The following ADAM12 variants were observed in gnomAD, a reference collection of about 807,000 sequenced individuals.
The protein encoded by ADAM12 is ADAM metallopeptidase domain 12.
ADAM12 carries 70 observed loss-of-function variants against 106.4 expected under a neutral mutation model. The observed-to-expected ratio is 0.66, with a 90% CI of 0.54 to 0.80. The LOEUF (loss-of-function observed/expected upper bound fraction) is 0.80, where lower values mean the gene tolerates loss of function less well. Among genes scored for constraint, ADAM12 ranks in the 30% least tolerant of loss-of-function variants. The probability of loss-of-function intolerance (pLI) is 0.00; values close to 1 mark genes in which losing one functional copy is unlikely to be tolerated. For synonymous variants in ADAM12, 420 were observed against 433.5 expected (o/e 0.97, Z 0.39); for missense variants, 1,010 against 1,171.9 (o/e 0.86, Z 2.02).
chr10:126,195,789 A>C (rs775079287), intron 3 of ADAM12, among the ~76,000 whole-genome samples: 1 of 152,168 alleles, frequency 6.6e-6, no homozygotes, highest in East Asian at 1.9e-4. Context: ...TGACTACTCT[A>C]TTTATATGAT....
intron 1 of ADAM12, among the ~76,000 whole-genome samples, chr10:126,376,955 T>C (rs1398431254): frequency 1.3e-5 from 2 of 152,236 alleles, no homozygotes; most frequent in Non-Finnish European, 2.9e-5. Flanking sequence ...ATGATCTTTA[T>C]CACCATTTCA....
chr10:126,122,386 G>A (rs1956131038), intron 5 of ADAM12, among the ~76,000 whole-genome samples: 1 of 152,196 alleles, frequency 6.6e-6, no homozygotes, highest in African/African-American at 2.4e-5. Flanking sequence ...GAAATAAAAT[G>A]TAGACTTCTA....
intron 3 of ADAM12, among the ~76,000 whole-genome samples, chr10:126,251,412 G>A (rs1448473969): frequency 1.7e-5 from 2 of 120,986 alleles, no homozygotes; most frequent in African/African-American, 6.3e-5. Context: ...TCACTGTCTT[G>A]GTCAAAATTC....
At position 126,143,187 on chromosome 10, in the gene ADAM12, ATC is replaced by A. The variant is rs1471299353; in HGVS notation, c.340-7529_340-7528del. On this transcript the variant is annotated intron_variant, in intron 4 of 22. Transcript: ENST00000448723. ...ATATATATGTATGTGTGTATATGGTATCTGTGTATATGTATGTGTGTATATGG... is the reference window on the plus strand; with the variant it reads ...ATATATATGTATGTGTGTATATGGTATGTGTATATGTATGTGTGTATATGG... 1.3e-4 allele frequency among the ~76,000 whole-genome samples: 19 copies of A among 149,054 alleles called. No individual in the cohort carries two copies. The East Asian group carries it at 3.7e-3, about 29-fold the overall frequency.
Position 126,049,700 on chromosome 10 carries a change from T to C in ADAM12, c.1610-31A>G. 2 of 1,574,034 alleles carry C rather than the reference T, an allele frequency of 1.3e-6. No homozygotes were observed. Among genetic ancestry groups the C allele is most frequent in the South Asian group, 2.3e-5 (2 of 85,188 alleles). ...ACAGAAGCAGAACTGCATTTTCATC[T>C]CCTGCAGGTGATTTTTTTTTTTTCA... On this transcript the variant is annotated intron_variant, in intron 14 of 22. Transcript: ENST00000448723. This position sits in a 1 kb window ranked among gnomAD's most constrained non-coding sequence, Gnocchi z 4.4.
chr10:126,304,484 G>C (rs764699220), intron 2 of ADAM12, among the ~76,000 whole-genome samples: 1 of 152,030 alleles, frequency 6.6e-6, no homozygotes, highest in Non-Finnish European at 1.5e-5. Context: ...CACAGGCAGT[G>C]AAAAAGGAAG....
intron 3 of ADAM12, among the ~76,000 whole-genome samples, chr10:126,221,466 A>G (rs772037669): frequency 2.6e-5 from 4 of 152,130 alleles, no homozygotes; most frequent in Non-Finnish European, 5.9e-5. Context: ...TGACATTTGG[A>G]TGTAACATGC....
intron 17 of ADAM12, among the ~76,000 whole-genome samples, chr10:126,045,822 A>T (rs1374528682): frequency 6.6e-6 from 1 of 152,248 alleles, no homozygotes; most frequent in African/African-American, 2.4e-5. Context: ...AGTCTTTTTT[A>T]AAATCATAGA....
intron 3 of ADAM12, among the ~76,000 whole-genome samples, chr10:126,260,127 C>G (rs1958971349): frequency 6.6e-6 from 1 of 152,194 alleles, no homozygotes; most frequent in Non-Finnish European, 1.5e-5. Flanking sequence ...ATACACATTA[C>G]CATACACATT....
At chr10:126,134,189 T>C (rs1404533067) in intron 5 of ADAM12, among the ~76,000 whole-genome samples, 2 of 152,188 alleles carry the variant, frequency 1.3e-5, no homozygotes, top group Non-Finnish European at 2.9e-5. Context: ...AGTTCAATTG[T>C]GTTGCATAAA....
intron 3 of ADAM12, among the ~76,000 whole-genome samples, chr10:126,225,433 G>C (rs1375256459): frequency 6.6e-6 from 1 of 152,218 alleles, no homozygotes; most frequent in East Asian, 1.9e-4. Flanking sequence ...AAAGAAACCT[G>C]CACGGGATCG....
chr10:126,038,151 G>T, intron 20 of ADAM12, 90 bp downstream of exon 20: 2 of 1,181,478 alleles, frequency 1.7e-6, no homozygotes, highest in Admixed American at 2.0e-5. Flanking sequence ...CACAGGCAGC[G>T]CCTCTAGGAT....
chr10:126,241,610 G>C (rs1001988159), intron 3 of ADAM12, among the ~76,000 whole-genome samples: 1 of 152,162 alleles, frequency 6.6e-6, no homozygotes, highest in African/African-American at 2.4e-5. Context: ...TGACAAAGCA[G>C]GTGTGTTTAA....
At chr10:126,303,115 A>T (rs1463808629) in intron 2 of ADAM12, among the ~76,000 whole-genome samples, 1 of 152,226 alleles carries the variant, frequency 6.6e-6, no homozygotes, top group Non-Finnish European at 1.5e-5. Flanking sequence ...AAACATTTTT[A>T]CCTACTTGAA....
chr10:126,101,341 C>G, intron 8 of ADAM12, 100 bp from the exon 9 acceptor site: 1 of 1,195,554 alleles, frequency 8.4e-7, no homozygotes. Flanking sequence ...GGGTCACTGA[C>G]ACAGGTGAGA....
At chr10:126,275,676 G>T (rs972404164) in intron 3 of ADAM12, among the ~76,000 whole-genome samples, 5 of 151,996 alleles carry the variant, frequency 3.3e-5, no homozygotes, top group African/African-American at 1.2e-4. Context: ...GATATTTTTT[G>T]CTCTTTAAAA....
intron 4 of ADAM12, among the ~76,000 whole-genome samples, chr10:126,148,414 C>T (rs1227226687): frequency 6.6e-6 from 1 of 152,136 alleles, no homozygotes; most frequent in Non-Finnish European, 1.5e-5. Context: ...CCACGAAAAA[C>T]AATGCAAAGC....
At chr10:126,319,592 G>A (rs554358818) in intron 2 of ADAM12, among the ~76,000 whole-genome samples, 3 of 152,220 alleles carry the variant, frequency 2.0e-5, no homozygotes, top group South Asian at 4.1e-4. Context: ...CAACCAAGAG[G>A]AGCCTTCAGA....
chr10:126,321,914 G>GGC (rs1554866285), intron 2 of ADAM12, among the ~76,000 whole-genome samples: 10 of 138,260 alleles, frequency 7.2e-5, no homozygotes, highest in Non-Finnish European at 4.8e-5. Context: ...TCGGGGGGGG[G>GGC]GCTTCAGCAA....
Sources: allele counts gnomAD v4.1 joint callset (sites outside exome capture counted in the v4.1 genomes callset), GRCh38; gene constraint gnomAD v4.1.1; non-coding constraint Gnocchi (gnomAD v3.1); transcripts MANE v1.5; gene names NCBI Gene and HGNC (gene_info 2026-07-23, HGNC 2026-07-21).